PPP1R12A: variants seen among roughly 807,000 people sequenced by gnomAD.
The protein encoded by PPP1R12A is protein phosphatase 1 regulatory subunit 12A.
Under a neutral mutation model 139.6 loss-of-function variants are expected in PPP1R12A, and 19 were observed. That is an observed-to-expected ratio of 0.14 (90% confidence interval 0.09 to 0.20). PPP1R12A has a LOEUF of 0.20. PPP1R12A is among the 10% of genes least tolerant of loss of function. The pLI, the probability that PPP1R12A is intolerant of heterozygous loss-of-function variation, is 1.00. For synonymous variants in PPP1R12A, 427 were observed against 420.6 expected (o/e 1.02, Z -0.19); for missense variants, 925 against 1,211.5 (o/e 0.76, Z 3.51).
At chr12:79,820,634 A>C in intron 8 of PPP1R12A, 140 bp downstream of exon 8, 1 of 787,706 alleles carries the variant, frequency 1.3e-6, no homozygotes, top group South Asian at 1.9e-5. Flanking sequence ...TCTAGCATTC[A>C]CTGAAAGATA....
chr12:79,842,104 G>C (rs1002683920), intron 3 of PPP1R12A, among the ~76,000 whole-genome samples: 12 of 152,026 alleles, frequency 7.9e-5, no homozygotes, highest in African/African-American at 2.7e-4. Flanking sequence ...TGGACTGCTT[G>C]AGTTCAAGAG....
chr12:79,781,826 T>C lies in PPP1R12A; in HGVS notation c.2944A>G (p.Met982Val), dbSNP rs745651524. 3 of 1,537,852 alleles carry C rather than the reference T, an allele frequency of 2.0e-6. No homozygotes were observed. Among genetic ancestry groups the C allele is most frequent in the East Asian group, 4.9e-5 (2 of 41,172 alleles). ...AGTGGGACACTTACCCTTTTTTCCA[T>C]TTCCAACAGTGATCTATCAGCAAAT... Reference protein sequence around the residue: ...ERFADRSLLEMEKRERRALER... With the variant: ...ERFADRSLLEVEKRERRALER... Residue 982 changes from methionine (M) to valine (V), a missense_variant, in exon 23 of 25, where the codon ATG (methionine) becomes GTG (valine). Physicochemically the swap from Met to Val is conservative, Grantham distance 21 (BLOSUM62 1). Transcript: ENST00000450142.
rs1160349807 is a variant in PPP1R12A at position 79,859,354 on chromosome 12, G to GAAAA, written c.368+13450_368+13453dup. On this transcript the variant is annotated intron_variant, in intron 2 of 24. Coordinates refer to ENST00000450142, the MANE Select transcript of PPP1R12A (RefSeq NM_002480.3). ...TCTGTCTTTAAAAAAAAAAAAGAAAGAAAAAAAAAAAAAAACAACAGTGCT... is the reference window on the plus strand; with the variant it reads ...TCTGTCTTTAAAAAAAAAAAAGAAAGAAAAAAAAAAAAAAAAAAACAACAGTGCT... Among the ~76,000 whole-genome samples the GAAAA allele has an allele frequency of 2.9e-3, 118 of 40,046 alleles. 2 individuals are homozygous for GAAAA. Among genetic ancestry groups the GAAAA allele is most frequent in the Non-Finnish European group, 4.0e-3 (66 of 16,596 alleles). The allele number at this position is 40,046 out of a possible 152,430, so 26.3% of individuals were successfully genotyped here. A position where few individuals can be genotyped will look rare whatever the true frequency, so the allele number is the denominator to read the frequency against.
chr12:79,781,691 C>G, intron 23 of PPP1R12A, 124 bp downstream of exon 23: 1 of 514,126 alleles, frequency 1.9e-6, no homozygotes, highest in Non-Finnish European at 3.4e-6. Context: ...AATACATTAA[C>G]TCAATAAATA....
At chr12:79,859,304 T>C (rs1428365819) in intron 2 of PPP1R12A, among the ~76,000 whole-genome samples, 1 of 134,372 alleles carries the variant, frequency 7.4e-6, no homozygotes, top group Admixed American at 8.7e-5. Context: ...GCCACTGCAC[T>C]CCAGCCTGGG....
At position 79,806,211 on chromosome 12, in the gene PPP1R12A, G is replaced by C; in HGVS notation, c.1778C>G (p.Thr593Ser). 1.2e-6 allele frequency: 2 copies of C among 1,613,968 alleles called. No homozygotes were observed. The highest frequency in any genetic ancestry group is 1.7e-6 in the Non-Finnish European group (2 of 1,179,828). The change falls in exon 13 of 25, where the codon ACT (threonine) becomes AGT (serine). Residue 593 changes from threonine to serine, a missense_variant. Transcript: ENST00000450142. ...QKSLLSSTST[T>S]TKITTGSSSA... ...GGAAGAACCCGTTGTAATCTTTGTA[G>C]TAGTGCTTGTGCTGGAAAGCAGGCT...
chr12:79,898,757 C>A (rs1885361267), intron 1 of PPP1R12A, among the ~76,000 whole-genome samples: 2 of 152,130 alleles, frequency 1.3e-5, no homozygotes, highest in African/African-American at 4.8e-5. Flanking sequence ...TCTCCTATTA[C>A]TACTCCCTCC....
chr12:79,903,504 C>T (rs1262697593), intron 1 of PPP1R12A, among the ~76,000 whole-genome samples: 1 of 151,784 alleles, frequency 6.6e-6, no homozygotes, highest in Non-Finnish European at 1.5e-5. Context: ...ATGAGGTACA[C>T]ATGAAGCGTA....
chr12:79,874,257 G>C (rs1882878611), intron 1 of PPP1R12A, among the ~76,000 whole-genome samples: 1 of 147,104 alleles, frequency 6.8e-6, no homozygotes, highest in African/African-American at 2.5e-5. Context: ...ATGGGCAACA[G>C]AGCAAGACTC....
chr12:79,900,813 T>A (rs893286094), intron 1 of PPP1R12A, among the ~76,000 whole-genome samples: 20 of 152,144 alleles, frequency 1.3e-4, no homozygotes, highest in African/African-American at 4.8e-4. Context: ...GGATTGTCCA[T>A]CTATTAAAAA....
chr12:79,807,433 C>T, intron 11 of PPP1R12A, 103 bp from the exon 12 acceptor site: 1 of 693,268 alleles, frequency 1.4e-6, no homozygotes, highest in Non-Finnish European at 2.4e-6. Flanking sequence ...TAGTAAAAAC[C>T]TTTGGGAGGA....
rs945448474 is a variant in PPP1R12A at position 79,782,416 on chromosome 12, T to C, written c.2908-554A>G. The stretch of plus-strand genomic sequence containing the variant: ...ATTGGTTCACATCCACTTTCACTTA[T>C]AAGAAATTCTAGCTGTACAGCTTTC... On this transcript the variant is annotated intron_variant, in intron 22 of 24. Transcript: ENST00000450142. The C allele has an allele frequency of 3.6e-5, 10 of 280,242 alleles. 1 individual carries two copies. The highest frequency in any genetic ancestry group is 2.3e-4 in the Admixed American group (5 of 21,404). The allele number at this position is 280,242 out of a possible 1,614,324, so 17.4% of individuals were successfully genotyped here.
rs190533806 is a variant in PPP1R12A at position 79,840,449 on chromosome 12, T to C, written c.487+4853A>G. Reference sequence around the variant, plus strand: ...TTTCACATCTTTACATATCCTAAGTTCTAACAATGCACCAACCACTGTCAT... The same window carrying C: ...TTTCACATCTTTACATATCCTAAGTCCTAACAATGCACCAACCACTGTCAT... On this transcript the variant is annotated intron_variant, in intron 3 of 24. Coordinates refer to ENST00000450142, the MANE Select transcript of PPP1R12A (RefSeq NM_002480.3). 2.2e-3 allele frequency among the ~76,000 whole-genome samples: 331 copies of C among 152,276 alleles called. 3 individuals carry two copies. Among genetic ancestry groups the C allele is most frequent in the Middle Eastern group, 0.01 (3 of 294 alleles).
chr12:79,893,805 A>C (rs970702049), intron 1 of PPP1R12A, among the ~76,000 whole-genome samples: 1 of 152,234 alleles, frequency 6.6e-6, no homozygotes, highest in Non-Finnish European at 1.5e-5. Context: ...TAAATGTATA[A>C]ATAAGTGATA....
At chr12:79,926,765 T>C (rs1335434470) in intron 1 of PPP1R12A, among the ~76,000 whole-genome samples, 1 of 152,020 alleles carries the variant, frequency 6.6e-6, no homozygotes, top group Non-Finnish European at 1.5e-5. Flanking sequence ...TCAAAGTCCC[T>C]ACCTTAAGGG....
intron 1 of PPP1R12A, among the ~76,000 whole-genome samples, chr12:79,876,510 C>G (rs1481955280): frequency 1.3e-5 from 2 of 152,180 alleles, no homozygotes; most frequent in African/African-American, 4.8e-5. Context: ...CACAGAGATG[C>G]TCAGGTTCCA....
At chr12:79,909,680 G>A (rs1886404100) in intron 1 of PPP1R12A, among the ~76,000 whole-genome samples, 1 of 151,040 alleles carries the variant, frequency 6.6e-6, no homozygotes. Context: ...GCTGCACTGA[G>A]CCGAGATCAC....
chr12:79,897,959 G>T (rs1316357266), intron 1 of PPP1R12A, among the ~76,000 whole-genome samples: 2 of 152,202 alleles, frequency 1.3e-5, no homozygotes, highest in Admixed American at 1.3e-4. Context: ...AATGCTAGGA[G>T]AATTTAGAAA....
In PPP1R12A at chr12:79,786,381, G is replaced by T; in HGVS notation, c.2900C>A (p.Ala967Asp). ...LTDLKLQLEKATQRQERFADR... is the reference protein window; with the variant it reads ...LTDLKLQLEKDTQRQERFADR... ...AAAGAAAAGGGTACAAACCTGGGTG[G>T]CCTTTTCCAACTGTAATTTAAGATC... is the stretch of plus-strand genomic sequence containing the variant. Residue 967 changes from alanine to aspartate, a missense_variant, in exon 22 of 25, where the codon GCC (alanine) becomes GAC (aspartate). Around this residue, in one of 4 missense-constraint regions of PPP1R12A, gnomAD observed 315 missense variants for 363.4 expected, o/e 0.87. Transcript: ENST00000450142. 1.9e-6 allele frequency: 3 copies of T among 1,540,718 alleles called. No individual in the cohort carries two copies. Among genetic ancestry groups the T allele is most frequent in the Non-Finnish European group, 2.6e-6 (3 of 1,137,186 alleles).
Sources: gnomAD v4.1 joint callset for allele counts (sites outside exome capture counted in the v4.1 genomes callset) on GRCh38, gnomAD v4.1.1 for gene constraint, gnomAD v4.1.1 regional missense constraint, MANE v1.5 for transcripts, NCBI Gene and HGNC (gene_info 2026-07-23, HGNC 2026-07-21) for gene names.